The following TENT2 variants were observed in gnomAD, a reference collection of about 807,000 sequenced individuals.
The protein encoded by TENT2 is terminal nucleotidyltransferase 2.
Under a neutral mutation model 72.2 loss-of-function variants are expected in TENT2, and 44 were observed. That is an observed-to-expected ratio of 0.61 (90% confidence interval 0.48 to 0.78). TENT2 has a LOEUF of 0.78. Among genes scored for constraint, TENT2 ranks in the 30% least tolerant of loss-of-function variants. The pLI is 0.00. For missense variants in TENT2, 541 were observed against 569.6 expected (o/e 0.95, Z 0.51); for synonymous variants, 212 against 192.5 (o/e 1.10, Z -0.84).
intron 4 of TENT2, among the ~76,000 whole-genome samples, chr5:79,628,199 G>A (rs2404461): frequency 0.062 from 9,506 of 152,228 alleles, 501 homozygotes; most frequent in Admixed American, 0.16. Context: ...CATTGTGCTC[G>A]ACAGTTTGTT....
chr5:79,638,622 A>C (rs993469434), intron 4 of TENT2, among the ~76,000 whole-genome samples: 6 of 152,178 alleles, frequency 3.9e-5, no homozygotes, highest in Admixed American at 2.6e-4. Flanking sequence ...GGTATTACCT[A>C]TAAGCAATTT....
intron 1 of TENT2, among the ~76,000 whole-genome samples, chr5:79,615,686 G>A (rs1395253948): frequency 1.3e-5 from 2 of 151,542 alleles, no homozygotes; most frequent in Non-Finnish European, 2.9e-5. Flanking sequence ...CTTGAATCTG[G>A]CAATCCAAGA....
In TENT2 at chr5:79,657,010, T is replaced by G. The variant is rs776655529; in HGVS notation, c.1071+9T>G. On this transcript the variant is annotated intron_variant, in intron 11 of 14. Transcript: ENST00000453514. ...TCCAAAAAATTTACCCAGTAAGTGT[T>G]TCTTATAAATTATTATAATACATTT... is the stretch of plus-strand genomic sequence containing the variant. 1 of 1,543,136 alleles carries G rather than the reference T, an allele frequency of 6.5e-7. No individual in the cohort carries two copies. The highest frequency in any genetic ancestry group is 1.7e-5 in the Admixed American group (1 of 59,674).
At position 79,645,209 on chromosome 5, in the gene TENT2, C is replaced by G; in HGVS notation, c.821+17C>G. On this transcript the variant is annotated intron_variant, in intron 8 of 14. Transcript: ENST00000453514. ...TAAAGTCAGGTAAATAATTAATGAG[C>G]TTTCTTTTTTTAGTTCCTTTAGATC... is the stretch of plus-strand genomic sequence containing the variant. 6.3e-7 allele frequency: 1 copy of G among 1,589,358 alleles called. No individual in the cohort carries two copies.
At chr5:79,637,177 G>T (rs767965858) in intron 4 of TENT2, among the ~76,000 whole-genome samples, 1 of 152,088 alleles carries the variant, frequency 6.6e-6, no homozygotes, top group Non-Finnish European at 1.5e-5. Context: ...ACAGCAGTGA[G>T]CTGTGATTGC....
At position 79,681,674 on chromosome 5, in the gene TENT2, G is replaced by A. The variant is rs1164715899; in HGVS notation, c.1301-308G>A. 5 of 200,450 alleles carry A rather than the reference G, an allele frequency of 2.5e-5. No homozygotes were observed. The Admixed American group carries it at 3.0e-4, about 12-fold the overall frequency. 12.4% of individuals were successfully genotyped at this position (200,450 alleles called of 1,614,324 possible). ...CTTTTTATTATTTTCCTAAGGGTAG[G>A]TCTTTGACCCTCTGTAATTTTTCAG... On this transcript the variant is annotated intron_variant, in intron 13 of 14. Coordinates refer to ENST00000453514, the MANE Select transcript of TENT2 (RefSeq NM_001114394.3).
intron 14 of TENT2, among the ~76,000 whole-genome samples, chr5:79,683,476 C>T (rs565892886): frequency 1.3e-5 from 2 of 152,178 alleles, no homozygotes; most frequent in East Asian, 3.9e-4. Flanking sequence ...TGCCACCGCA[C>T]TCCAGCCTGA....
chr5:79,623,219 C>CT (rs1308086633), intron 3 of TENT2, 33 bp from the exon 4 acceptor site: 1 of 1,465,522 alleles, frequency 6.8e-7, no homozygotes, highest in Non-Finnish European at 9.3e-7. Flanking sequence ...AAAGTTGTAT[C>CT]TTTAATTACT....
chr5:79,667,233 T>C (rs73773418), intron 11 of TENT2, among the ~76,000 whole-genome samples: 3,732 of 152,318 alleles, frequency 0.025, 151 homozygotes, highest in African/African-American at 0.085. Flanking sequence ...AGTTCATAAA[T>C]TGAATGCTAA....
At chr5:79,684,104 T>C (rs1269011874) in intron 14 of TENT2, among the ~76,000 whole-genome samples, 1 of 152,146 alleles carries the variant, frequency 6.6e-6, no homozygotes, top group African/African-American at 2.4e-5. Flanking sequence ...CCAATACTTT[T>C]AGACAATCGA....
intron 3 of TENT2, among the ~76,000 whole-genome samples, 155 bp from the exon 4 acceptor site, chr5:79,623,097 A>C (rs962649920): frequency 2.6e-5 from 4 of 152,108 alleles, no homozygotes; most frequent in African/African-American, 9.7e-5. Flanking sequence ...GCTGAACATG[A>C]ATATTTTTAA....
At chr5:79,640,625 C>G (rs759989306) in intron 4 of TENT2, among the ~76,000 whole-genome samples, 4 of 152,116 alleles carry the variant, frequency 2.6e-5, no homozygotes, top group Admixed American at 1.3e-4. Flanking sequence ...TGTGACTGTA[C>G]TTTTCTGTGA....
At chr5:79,618,529 C>T (rs752572515) in intron 1 of TENT2, among the ~76,000 whole-genome samples, 6 of 152,084 alleles carry the variant, frequency 3.9e-5, no homozygotes, top group Non-Finnish European at 8.8e-5. Flanking sequence ...CCACCACATC[C>T]GGCCCCTTTC....
chr5:79,679,552 A>G, intron 12 of TENT2, 27 bp from the exon 13 acceptor site: 3 of 1,480,988 alleles, frequency 2.0e-6, no homozygotes, highest in Non-Finnish European at 2.8e-6. Context: ...AAAATAGTTA[A>G]CATGGTTACT....
intron 12 of TENT2, among the ~76,000 whole-genome samples, chr5:79,671,973 C>T (rs1813273437): frequency 6.6e-6 from 1 of 151,760 alleles, no homozygotes. Flanking sequence ...TGTGGTGGCA[C>T]ATGCCTGTAA....
At position 79,686,860 on chromosome 5, in the gene TENT2, TG is replaced by T. The variant is rs965652227; in HGVS notation, c.*1594del. On this transcript the variant is annotated 3_prime_UTR_variant, in exon 15 of 15. Coordinates refer to ENST00000453514, the MANE Select transcript of TENT2 (RefSeq NM_001114394.3). ...TTATGCATTTGAGCTTTTCATATTT[TG>T]GGGGGGAATTTTTCCTAAAATTTAC... is the stretch of plus-strand genomic sequence containing the variant. Among the ~76,000 whole-genome samples the T allele has an allele frequency of 9.2e-5, 14 of 152,224 alleles. No homozygotes were observed. The highest frequency in any genetic ancestry group is 3.4e-4 in the African/African-American group (14 of 41,532).
chr5:79,635,561 AT>A (rs963504761), intron 4 of TENT2, among the ~76,000 whole-genome samples: 3 of 149,908 alleles, frequency 2.0e-5, no homozygotes, highest in African/African-American at 4.9e-5. Context: ...TTGTGAAGGA[AT>A]TTTTTTTTTG....
At chr5:79,637,775 GCTCTAGGACTTCTC>G (rs1338465359) in intron 4 of TENT2, among the ~76,000 whole-genome samples, 1 of 150,166 alleles carries the variant, frequency 6.7e-6, no homozygotes, top group Non-Finnish European at 1.5e-5. Flanking sequence ...TAGCTTTGTG[GCTCTAGGACTTCTC>G]CTCTTTTGCT....
intron 12 of TENT2, among the ~76,000 whole-genome samples, chr5:79,673,482 T>C (rs1430546677): frequency 6.6e-6 from 1 of 152,178 alleles, no homozygotes; most frequent in Non-Finnish European, 1.5e-5. Context: ...TGTCAAGAGA[T>C]AGGGTTCTAG....
Sources: gnomAD v4.1 joint callset for allele counts (sites outside exome capture counted in the v4.1 genomes callset) on GRCh38, gnomAD v4.1.1 for gene constraint, MANE v1.5 for transcripts, NCBI Gene and HGNC (gene_info 2026-07-23, HGNC 2026-07-21) for gene names.